Variants in GRIN2A observed in about 807,000 individuals in gnomAD.
GRIN2A encodes the protein glutamate ionotropic receptor NMDA type subunit 2A, also known as glutamate receptor ionotropic, NMDA 2A.
In GRIN2A, 22 loss-of-function variants were observed where a neutral mutation model predicts 113.4. The ratio of observed to expected loss-of-function variants is 0.19; its 90% CI spans 0.14 to 0.28. GRIN2A has a LOEUF of 0.28. Ranked by LOEUF, GRIN2A falls within the 10% of genes least tolerant of loss-of-function variation. The pLI is 1.00. For synonymous variants in GRIN2A, 827 were observed against 738.4 expected, an observed-to-expected ratio of 1.12 and a Z score of -1.94; for missense variants, 1,502 against 1,887.0, an observed-to-expected ratio of 0.80 and a Z score of 3.78.
chr16:9,886,110 C>G (rs1468088344), intron 4 of GRIN2A, among the ~76,000 whole-genome samples: 1 of 152,184 alleles, frequency 6.6e-6, no homozygotes, highest in Non-Finnish European at 1.5e-5. Flanking sequence ...TGAGTCAAGC[C>G]TGCTCCAGGA....
intron 2 of GRIN2A, among the ~76,000 whole-genome samples, chr16:10,174,070 A>C (rs944890517): frequency 1.3e-5 from 2 of 152,220 alleles, no homozygotes; most frequent in African/African-American, 4.8e-5. Flanking sequence ...TCAAGTAGGA[A>C]TCAAAGCCAC....
At chr16:9,823,517 G>C (rs1401322054) in intron 9 of GRIN2A, among the ~76,000 whole-genome samples, 1 of 152,124 alleles carries the variant, frequency 6.6e-6, no homozygotes, top group African/African-American at 2.4e-5. Context: ...CATTATGAGT[G>C]AAAAAGGAAC....
chr16:9,769,451 C>CTTTTTTTTTTTTTTTTTTTTTT (rs34847596), intron 11 of GRIN2A, among the ~76,000 whole-genome samples: 2 of 104,890 alleles, frequency 1.9e-5, no homozygotes, highest in Admixed American at 1.1e-4. Flanking sequence ...GGAGTTTTGT[C>CTTTTTTTTTTTTTTTTTTTTTT]TTTTTTTTTT....
rs538245691 is a variant in GRIN2A at position 9,850,923 on chromosome 16, C to G, written c.1123-962G>C. Among the ~76,000 whole-genome samples the G allele has an allele frequency of 3.3e-5, 5 of 152,294 alleles. No individual in the cohort carries two copies. In the East Asian group the frequency reaches 9.6e-4, roughly 29 times the overall value. On this transcript the variant is annotated intron_variant, in intron 4 of 12. Transcript: ENST00000330684. ...AAGCTGCCCCCGCACCGCTCTTTCT[C>G]CCTTCTCCTCCTGCTCCCACACGCC...
At position 9,800,432 on chromosome 16, in the gene GRIN2A, C is replaced by T. The variant is rs572049805; in HGVS notation, c.2169-1968G>A. On this transcript the variant is annotated intron_variant, in intron 10 of 12. Coordinates refer to ENST00000330684, the MANE Select transcript of GRIN2A (RefSeq NM_001134407.3). Reference sequence around the variant, plus strand: ...TCATGACACTTTCTCAACTTTATTGCCTTTCTTTAACAAGAAAACATAAAA... The same window carrying T: ...TCATGACACTTTCTCAACTTTATTGTCTTTCTTTAACAAGAAAACATAAAA... 2.6e-5 allele frequency among the ~76,000 whole-genome samples: 4 copies of T among 152,164 alleles called. No individual in the cohort carries two copies. In the East Asian group the frequency reaches 5.8e-4, roughly 22 times the overall value.
At position 9,832,066 on chromosome 16, in the gene GRIN2A, G is replaced by A. The variant is rs552173619; in HGVS notation, c.1777+2039C>T. 4.6e-4 allele frequency among the ~76,000 whole-genome samples: 69 copies of A among 151,500 alleles called. 1 individual carries two copies. The highest frequency in any genetic ancestry group is 3.4e-3 in the Middle Eastern group (1 of 292). On this transcript the variant is annotated intron_variant, in intron 8 of 12. Coordinates refer to ENST00000330684, the MANE Select transcript of GRIN2A (RefSeq NM_001134407.3). ...TCTGAGTAGCCGGGAATACAGGCAC[G>A]CATCATCACGCCAGGCTTATTTTAT... is the stretch of plus-strand genomic sequence containing the variant.
intron 2 of GRIN2A, among the ~76,000 whole-genome samples, chr16:10,025,661 C>T (rs935562440): frequency 6.6e-6 from 1 of 152,070 alleles, no homozygotes; most frequent in Non-Finnish European, 1.5e-5. Context: ...CATTTGACTC[C>T]AGGGAAAATA....
rs562150794 is a variant in GRIN2A at position 10,107,087 on chromosome 16, A to G, written c.414+72911T>C. 2.0e-5 allele frequency among the ~76,000 whole-genome samples: 3 copies of G among 152,352 alleles called. No individual in the cohort carries two copies. In the South Asian group the frequency reaches 6.2e-4, roughly 32 times the overall value. On this transcript the variant is annotated intron_variant, in intron 2 of 12. Transcript: ENST00000330684. ...ACATCATGAAGCAAGACAAAGAATG[A>G]AATGGAGGGCTAGGATGATGACTGG...
chr16:9,835,907 C>A (rs2042576899), intron 7 of GRIN2A, among the ~76,000 whole-genome samples: 1 of 152,042 alleles, frequency 6.6e-6, no homozygotes, highest in Non-Finnish European at 1.5e-5. Context: ...TTTGATAGTG[C>A]AAATATATTA....
At chr16:10,060,470 C>T (rs1031544430) in intron 2 of GRIN2A, among the ~76,000 whole-genome samples, 1 of 152,188 alleles carries the variant, frequency 6.6e-6, no homozygotes, top group Non-Finnish European at 1.5e-5. Context: ...AAGCTGGCAC[C>T]TAAACCTATG....
At chr16:10,080,121 C>T (rs1439735005) in intron 2 of GRIN2A, among the ~76,000 whole-genome samples, 1 of 152,214 alleles carries the variant, frequency 6.6e-6, no homozygotes, top group Non-Finnish European at 1.5e-5. Flanking sequence ...CTGTTCTTAT[C>T]ATCTCCCTGC....
chr16:10,002,333 A>G (rs1567227992), intron 2 of GRIN2A, among the ~76,000 whole-genome samples: 1 of 152,228 alleles, frequency 6.6e-6, no homozygotes. Flanking sequence ...GTTATTGCCA[A>G]TAGATCTCCA....
At chr16:10,030,795 C>T (rs1049904683) in intron 2 of GRIN2A, among the ~76,000 whole-genome samples, 4 of 152,096 alleles carry the variant, frequency 2.6e-5, no homozygotes, top group African/African-American at 7.2e-5. Context: ...AAATAGTTAT[C>T]GACAGCTACA....
chr16:9,833,786 C>A (rs1338693240), intron 8 of GRIN2A, among the ~76,000 whole-genome samples: 2 of 152,076 alleles, frequency 1.3e-5, no homozygotes, highest in African/African-American at 4.8e-5. Flanking sequence ...GTGGCACAAT[C>A]TCGACTCACT....
Position 10,147,455 on chromosome 16 carries a change from CAAAAAAAA to C in GRIN2A, c.414+32535_414+32542del, listed in dbSNP as rs367830700. 5.6e-3 allele frequency among the ~76,000 whole-genome samples: 405 copies of C among 72,938 alleles called. 3 individuals are homozygous for C. The highest frequency in any genetic ancestry group is 0.024 in the African/African-American group (386 of 15,792). The allele number at this position is 72,938 out of a possible 152,430, so 47.9% of individuals were successfully genotyped here. The stretch of plus-strand genomic sequence containing the variant: ...TGAAACACCGTCTCTACTAAAAATA[CAAAAAAAA>C]AAAAAAAAAAAAAAAATAGCCAGGC... On this transcript the variant is annotated intron_variant, in intron 2 of 12. Transcript: ENST00000330684.
At chr16:9,901,406 C>A (rs2043921576) in intron 3 of GRIN2A, among the ~76,000 whole-genome samples, 1 of 152,180 alleles carries the variant, frequency 6.6e-6, no homozygotes, top group African/African-American at 2.4e-5. Flanking sequence ...CCTAACTCCA[C>A]TTACATCGTT....
intron 11 of GRIN2A, among the ~76,000 whole-genome samples, chr16:9,788,896 C>T (rs987522555): frequency 1.3e-5 from 2 of 152,062 alleles, no homozygotes; most frequent in African/African-American, 4.8e-5. Flanking sequence ...GCACCCACCA[C>T]CACACCTGGC....
At chr16:10,089,115 C>T (rs1178696808) in intron 2 of GRIN2A, among the ~76,000 whole-genome samples, 1 of 152,102 alleles carries the variant, frequency 6.6e-6, no homozygotes, top group Admixed American at 6.6e-5. Context: ...TTAAATAATG[C>T]CTGGCACAAA....
intron 2 of GRIN2A, among the ~76,000 whole-genome samples, chr16:10,102,648 G>T (rs894808352): frequency 6.6e-6 from 1 of 152,062 alleles, no homozygotes; most frequent in African/African-American, 2.4e-5. Context: ...CTAGGTTCAA[G>T]CAATTCTTGT....
Sources: gnomAD v4.1 joint callset for allele counts (sites outside exome capture counted in the v4.1 genomes callset) on GRCh38, gnomAD v4.1.1 for gene constraint, MANE v1.5 for transcripts, NCBI Gene and HGNC (gene_info 2026-07-23, HGNC 2026-07-21) for gene names.